The following MPDZ variants were observed in gnomAD, a reference collection of about 807,000 sequenced individuals.
MPDZ encodes multiple PDZ domain protein.
A neutral mutation model predicts 239.1 loss-of-function variants in MPDZ; 234 were observed. That is an observed-to-expected ratio of 0.98 (90% confidence interval 0.88 to 1.09). The LOEUF (loss-of-function observed/expected upper bound fraction) is 1.09. Ranked by LOEUF, MPDZ falls within the 50% of genes least tolerant of loss-of-function variation. The pLI is 0.00. For missense variants in MPDZ, 3,175 were observed against 2,510.0 expected (o/e 1.26, Z -5.66); for synonymous variants, 1,048 against 881.3 (o/e 1.19, Z -3.35).
At chr9:13,263,675 A>G (rs556577895) in intron 1 of MPDZ, among the ~76,000 whole-genome samples, 1 of 152,352 alleles carries the variant, frequency 6.6e-6, no homozygotes, top group East Asian at 1.9e-4. Flanking sequence ...CCTTAGAAGC[A>G]GATACTTATG....
chr9:13,153,802 A>T (rs1372175059), intron 24 of MPDZ, among the ~76,000 whole-genome samples: 1 of 152,112 alleles, frequency 6.6e-6, no homozygotes, highest in Non-Finnish European at 1.5e-5. Flanking sequence ...TTTTCTTAAG[A>T]ATAAAAAATA....
At chr9:13,143,877 TTA>T (rs1223579330) in intron 26 of MPDZ, among the ~76,000 whole-genome samples, 1 of 152,118 alleles carries the variant, frequency 6.6e-6, no homozygotes, top group Non-Finnish European at 1.5e-5. Context: ...TTTGCCCATC[TTA>T]TATATTAATA....
At chr9:13,171,484 G>C (rs890840968) in intron 21 of MPDZ, among the ~76,000 whole-genome samples, 15 of 152,040 alleles carry the variant, frequency 9.9e-5, no homozygotes, top group African/African-American at 1.4e-4. Flanking sequence ...GTCTGTCTAT[G>C]TTTCTGTATC....
Position 13,272,102 on chromosome 9 carries a change from T to C in MPDZ, c.-58+7298A>G, listed in dbSNP as rs185467073. Among the ~76,000 whole-genome samples the C allele has an allele frequency of 3.7e-3, 568 of 152,262 alleles. 1 individual carries two copies. The highest frequency in any genetic ancestry group is 9.1e-3 in the South Asian group (44 of 4,824). ...TTCAAAACAGCCAAAATTCAACAAA[T>C]TGTACACTCTCAATATGTGTAGTTT... is the stretch of plus-strand genomic sequence containing the variant. On this transcript the variant is annotated intron_variant, in intron 1 of 46. Coordinates refer to ENST00000319217, the MANE Select transcript of MPDZ (RefSeq NM_001378778.1).
chr9:13,219,345 A>C (rs1958767023), intron 8 of MPDZ, among the ~76,000 whole-genome samples: 1 of 152,034 alleles, frequency 6.6e-6, no homozygotes, highest in South Asian at 2.1e-4. Context: ...AAAATAATCT[A>C]GCATGTTTAA....
At chr9:13,130,929 G>A (rs1587045012) in intron 32 of MPDZ, among the ~76,000 whole-genome samples, 5 of 152,134 alleles carry the variant, frequency 3.3e-5, no homozygotes, top group African/African-American at 1.2e-4. Context: ...GGACTTGGAG[G>A]CAGAAGACCA....
At chr9:13,135,416 A>G (rs1946588150) in intron 31 of MPDZ, 1 of 152,174 alleles carries the variant, frequency 6.6e-6, no homozygotes, top group African/African-American at 2.4e-5. Context: ...TCCCTCTTCC[A>G]GCTTTAGTTC....
At chr9:13,278,886 C>G (rs1042093424) in intron 1 of MPDZ, 1 of 152,116 alleles carries the variant, frequency 6.6e-6, no homozygotes, top group African/African-American at 2.4e-5. Context: ...CGTCCGGGAG[C>G]GGCCCCTGCA....
intron 1 of MPDZ, among the ~76,000 whole-genome samples, chr9:13,254,125 C>T (rs549494899): frequency 7.9e-5 from 12 of 152,116 alleles, no homozygotes; most frequent in African/African-American, 2.7e-4. Context: ...AAAGTGAAAC[C>T]AAAGGAAGAA....
chr9:13,166,090 C>T (rs1415634191), intron 22 of MPDZ, among the ~76,000 whole-genome samples: 1 of 152,110 alleles, frequency 6.6e-6, no homozygotes, highest in East Asian at 1.9e-4. Context: ...CACCCCTCCA[C>T]CACCACCCAG....
intron 3 of MPDZ, among the ~76,000 whole-genome samples, chr9:13,236,230 T>G (rs1963919922): frequency 1.3e-5 from 1 of 77,156 alleles, no homozygotes; most frequent in Non-Finnish European, 2.6e-5. Flanking sequence ...TGTGTGTATA[T>G]GTATATGTGT....
intron 24 of MPDZ, among the ~76,000 whole-genome samples, chr9:13,155,592 T>C (rs1949719481): frequency 6.6e-6 from 1 of 152,136 alleles, no homozygotes; most frequent in Admixed American, 6.6e-5. Flanking sequence ...TAGTAGTATA[T>C]CAATTGTGTA....
intron 39 of MPDZ, among the ~76,000 whole-genome samples, chr9:13,119,091 A>C (rs182606933): frequency 4.6e-5 from 7 of 152,288 alleles, no homozygotes; most frequent in Middle Eastern, 3.4e-3. Context: ...AAATCTTTTC[A>C]TTTTAAAAGA....
rs374095414 is a variant in MPDZ, at chr9:13,168,433, T to C, written c.3187A>G (p.Ile1063Val). The part of the protein sequence containing the change: ...CILSINEEST[I>V]SVTNAQARAM... ...CGTGCCTGGGCATTGGTTACACTGATGGTAGACTCTTCATTAATGGACAAG... is the reference window on the plus strand; with the variant it reads ...CGTGCCTGGGCATTGGTTACACTGACGGTAGACTCTTCATTAATGGACAAG... Residue 1063 changes from isoleucine to valine, a missense_variant, in exon 22 of 47, where the codon ATC becomes GTC. Ile to Val is a conservative substitution (Grantham distance 29). Transcript: ENST00000319217. The C allele has an allele frequency of 3.1e-6, 5 of 1,613,502 alleles. No individual in the cohort carries two copies. The African/African-American group carries it at 6.7e-5, about 22-fold the overall frequency.
chr9:13,253,541 T>A (rs1007872389), intron 1 of MPDZ, among the ~76,000 whole-genome samples: 1 of 152,304 alleles, frequency 6.6e-6, no homozygotes, highest in African/African-American at 2.4e-5. Flanking sequence ...ATTCCTCTTG[T>A]CACCTTTTCA....
chr9:13,206,131 A>T lies in MPDZ; in HGVS notation c.1291-32T>A, dbSNP rs756234518. Reference sequence around the variant, plus strand: ...TTAAAAAAAAAAAAAAGCATGTTACATGTTAAATAAATGGATATTTGTATT... The same window carrying T: ...TTAAAAAAAAAAAAAAGCATGTTACTTGTTAAATAAATGGATATTTGTATT... On this transcript the variant is annotated intron_variant, in intron 10 of 46. Transcript: ENST00000319217. The T allele has an allele frequency of 3.9e-6, 6 of 1,536,206 alleles. No individual in the cohort carries two copies. In the South Asian group the frequency reaches 6.1e-5, roughly 16 times the overall value.
chr9:13,242,554 G>A (rs564914992), intron 3 of MPDZ, among the ~76,000 whole-genome samples: 13 of 148,254 alleles, frequency 8.8e-5, no homozygotes, highest in African/African-American at 2.7e-4. Flanking sequence ...CAAAATGATT[G>A]CTAAAATAAT....
intron 39 of MPDZ, among the ~76,000 whole-genome samples, chr9:13,116,109 A>T (rs997196932): frequency 5.9e-5 from 9 of 152,186 alleles, no homozygotes; most frequent in Non-Finnish European, 2.9e-5. Context: ...AAATTTAGAT[A>T]AATACTGCTA....
intron 3 of MPDZ, among the ~76,000 whole-genome samples, chr9:13,236,867 T>C (rs148834304): frequency 0.01 from 1,523 of 151,332 alleles, 12 homozygotes; most frequent in African/African-American, 0.027. Flanking sequence ...ACCTCTCCCC[T>C]GAGTTTCCAC....
Sources: allele counts gnomAD v4.1 joint callset (sites outside exome capture counted in the v4.1 genomes callset), GRCh38; gene constraint gnomAD v4.1.1; transcripts MANE v1.5; gene names NCBI Gene and HGNC (gene_info 2026-07-23, HGNC 2026-07-21).